The following DEPDC4 variants were observed in gnomAD, a reference collection of about 807,000 sequenced individuals.
DEPDC4 encodes the protein DEP domain-containing protein 4.
Under a neutral mutation model 52.0 loss-of-function variants are expected in DEPDC4, and 52 were observed. That is an observed-to-expected ratio of 1.00 (90% CI 0.80 to 1.26). The LOEUF is 1.26. Ranked by LOEUF, DEPDC4 falls within the 50% of genes most tolerant of loss-of-function variation. The pLI, the probability that DEPDC4 is intolerant of heterozygous loss-of-function variation, is 0.00. For synonymous variants in DEPDC4, 201 were observed against 196.8 expected (o/e 1.02, Z -0.18); for missense variants, 530 against 546.9 (o/e 0.97, Z 0.31).
At chr12:100,263,246 G>A (rs2096259985) in intron 2 of DEPDC4, among the ~76,000 whole-genome samples, 1 of 152,152 alleles carries the variant, frequency 6.6e-6, no homozygotes. Context: ...CTGGCCAAAA[G>A]TCACCCTTTT....
chr12:100,262,123 G>A, intron 3 of DEPDC4, 141 bp downstream of exon 3: 2 of 720,400 alleles, frequency 2.8e-6, no homozygotes, highest in South Asian at 4.0e-5. Flanking sequence ...GGAAGGTTGT[G>A]TGTGAGTGGA....
chr12:100,249,502 C>A (rs1210431371), intron 7 of DEPDC4, among the ~76,000 whole-genome samples: 1 of 152,056 alleles, frequency 6.6e-6, no homozygotes, highest in Non-Finnish European at 1.5e-5. Flanking sequence ...CAACAAAAAC[C>A]CCCAAACAAA....
intron 5 of DEPDC4, among the ~76,000 whole-genome samples, 190 bp from the exon 6 acceptor site, chr12:100,252,726 G>A (rs2096213478): frequency 1.3e-5 from 2 of 152,114 alleles, no homozygotes; most frequent in African/African-American, 4.8e-5. Context: ...TATGTAATAT[G>A]CGATGTAGCT....
At chr12:100,246,915 C>T (rs762243817) in intron 8 of DEPDC4, among the ~76,000 whole-genome samples, 14 of 151,212 alleles carry the variant, frequency 9.3e-5, no homozygotes, top group Non-Finnish European at 1.3e-4. Context: ...CCAGCCTGGG[C>T]GACAGAGTGA....
At chr12:100,259,769 G>A (rs1443089049) in intron 3 of DEPDC4, among the ~76,000 whole-genome samples, 1 of 152,106 alleles carries the variant, frequency 6.6e-6, no homozygotes, top group Non-Finnish European at 1.5e-5. Flanking sequence ...TTAGAGATAC[G>A]AGTTGTAAAT....
intron 9 of DEPDC4, among the ~76,000 whole-genome samples, chr12:100,234,994 C>G (rs2096139142): frequency 6.6e-6 from 1 of 151,914 alleles, no homozygotes; most frequent in Admixed American, 6.6e-5. Context: ...TCTTTGTAAA[C>G]AAGTTTCATT....
chr12:100,265,360 C>G (rs1055603397), intron 1 of DEPDC4, among the ~76,000 whole-genome samples: 1 of 152,134 alleles, frequency 6.6e-6, no homozygotes, highest in Non-Finnish European at 1.5e-5. Flanking sequence ...CTTTGGGAGG[C>G]TGAGGCAGGT....
At chr12:100,263,967 A>G (rs1485792151) in intron 1 of DEPDC4, 74 bp from the exon 2 acceptor site, 12 of 1,389,972 alleles carry the variant, frequency 8.6e-6, no homozygotes, top group Non-Finnish European at 1.2e-5. Flanking sequence ...AGTTTTGACA[A>G]CCTTATGCTT....
At chr12:100,258,611 T>A (rs2096243039) in intron 3 of DEPDC4, among the ~76,000 whole-genome samples, 1 of 152,176 alleles carries the variant, frequency 6.6e-6, no homozygotes, top group South Asian at 2.1e-4. Context: ...GGCTTTAGTC[T>A]TTTTTCCTTC....
chr12:100,263,945 T>C (rs2153924876), intron 1 of DEPDC4, 52 bp from the exon 2 acceptor site: 2 of 1,520,002 alleles, frequency 1.3e-6, no homozygotes, highest in Non-Finnish European at 1.8e-6. Flanking sequence ...TACAAAAATA[T>C]GCAAATTTTT....
chr12:100,234,436 C>CACAT (rs2096138531), intron 9 of DEPDC4, among the ~76,000 whole-genome samples: 1 of 152,148 alleles, frequency 6.6e-6, no homozygotes, highest in African/African-American at 2.4e-5. Flanking sequence ...AGGATGATGA[C>CACAT]ACATAACCTT....
Position 100,241,057 on chromosome 12 carries a change from C to T in DEPDC4, c.*835G>A, listed in dbSNP as rs1316006934. Among the ~76,000 whole-genome samples, 3 of 151,876 alleles carry T rather than the reference C, an allele frequency of 2.0e-5. No individual in the cohort carries two copies. Among genetic ancestry groups the T allele is most frequent in the African/African-American group, 7.3e-5 (3 of 41,260 alleles). On this transcript the variant is annotated 3_prime_UTR_variant, in exon 10 of 10. Coordinates refer to ENST00000550587, the MANE Select transcript of DEPDC4 (RefSeq NM_001364818.2). Reference sequence around the variant, plus strand: ...ACAGAGCAAGACTCCATTTCAAAAACAAAACAAAACAAAACAAAACAACTA... The same window carrying T: ...ACAGAGCAAGACTCCATTTCAAAAATAAAACAAAACAAAACAAAACAACTA...
chr12:100,256,930 T>C (rs1235492809), intron 3 of DEPDC4, among the ~76,000 whole-genome samples: 1 of 151,948 alleles, frequency 6.6e-6, no homozygotes, highest in African/African-American at 2.4e-5. Flanking sequence ...CGTGAGTCAC[T>C]GCGCCAGGCC....
chr12:100,259,881 C>G (rs1207744352), intron 3 of DEPDC4, among the ~76,000 whole-genome samples: 1 of 151,754 alleles, frequency 6.6e-6, no homozygotes, highest in Non-Finnish European at 1.5e-5. Context: ...GCCTATAAAA[C>G]AAGGGTAAGG....
At chr12:100,244,132 TATAC>T (rs2096174323) in intron 8 of DEPDC4, among the ~76,000 whole-genome samples, 1 of 117,776 alleles carries the variant, frequency 8.5e-6, no homozygotes. Flanking sequence ...TATATATATA[TATAC>T]ACAAAATACA....
chr12:100,268,236 A>G (rs2096281985), upstream of DEPDC4, among the ~76,000 whole-genome samples: 1 of 152,202 alleles, frequency 6.6e-6, no homozygotes, highest in Non-Finnish European at 1.5e-5. Context: ...TTCTAAAAAC[A>G]TTGGATACTA....
downstream of DEPDC4, among the ~76,000 whole-genome samples, chr12:100,235,507 G>A (rs575951798): frequency 1.3e-5 from 2 of 151,566 alleles, no homozygotes; most frequent in Non-Finnish European, 2.9e-5. Flanking sequence ...AACCCAATTT[G>A]TAGCCTTTTA....
downstream of DEPDC4, among the ~76,000 whole-genome samples, chr12:100,237,207 CT>C (rs55710732): frequency 0.35 from 47,723 of 135,848 alleles, 8,645 homozygotes; most frequent in African/African-American, 0.57. Context: ...TTTTCTTTTT[CT>C]TTTTTTTTTT....
intron 9 of DEPDC4, among the ~76,000 whole-genome samples, chr12:100,233,629 G>C (rs2096137402): frequency 6.6e-6 from 1 of 152,180 alleles, no homozygotes; most frequent in Admixed American, 6.5e-5. Context: ...ACTCATGAAT[G>C]AATTATTAGG....
Sources: allele counts gnomAD v4.1 joint callset (sites outside exome capture counted in the v4.1 genomes callset), GRCh38; gene constraint gnomAD v4.1.1; transcripts MANE v1.5; gene names NCBI Gene and HGNC (gene_info 2026-07-23, HGNC 2026-07-21).